Variants in MAP3K5 observed in about 807,000 individuals in gnomAD.
MAP3K5 encodes the protein ASK-1.
In MAP3K5, 56 loss-of-function variants were observed where a neutral mutation model predicts 158.7. The ratio of observed to expected loss-of-function variants is 0.35; its 90% CI spans 0.28 to 0.44. The LOEUF (loss-of-function observed/expected upper bound fraction) is 0.44, where lower values mean the gene tolerates loss of function less well. Among genes scored for constraint, MAP3K5 ranks in the 20% least tolerant of loss-of-function variants. The probability of loss-of-function intolerance (pLI) is 1.00; values close to 1 mark genes in which losing one functional copy is unlikely to be tolerated. For synonymous variants in MAP3K5, 579 were observed against 601.7 expected (o/e 0.96, Z 0.55); for missense variants, 1,294 against 1,674.8 (o/e 0.77, Z 3.97).
intron 29 of MAP3K5, 82 bp downstream of exon 29, chr6:136,558,718 G>T: frequency 1.1e-6 from 1 of 877,176 alleles, no homozygotes; most frequent in Non-Finnish European, 1.9e-6. Context: ...GCTAATTAGA[G>T]ACCCAGCCTG....
At chr6:136,611,492 T>C in intron 17 of MAP3K5, 105 bp from the exon 18 acceptor site, 1 of 607,204 alleles carries the variant, frequency 1.6e-6, no homozygotes, top group Non-Finnish European at 3.1e-6. Flanking sequence ...TCCTTACAGC[T>C]ACCAACGACA....
chr6:136,579,755 T>C, intron 25 of MAP3K5: 1 of 454,106 alleles, frequency 2.2e-6, no homozygotes, highest in South Asian at 1.6e-5. Flanking sequence ...AAAATCTCTG[T>C]ATCTTCCACT....
intron 5 of MAP3K5, among the ~76,000 whole-genome samples, 155 bp downstream of exon 5, chr6:136,697,064 T>A (rs1449819192): frequency 6.6e-6 from 1 of 152,214 alleles, no homozygotes; most frequent in Non-Finnish European, 1.5e-5. Flanking sequence ...TTTTCATTCA[T>A]CATAAAATTA....
intron 19 of MAP3K5, among the ~76,000 whole-genome samples, chr6:136,604,728 T>C (rs9385767): frequency 0.023 from 3,490 of 151,986 alleles, 76 homozygotes; most frequent in East Asian, 0.094. Context: ...AGTAGGTATA[T>C]GAGAATAAGA....
chr6:136,737,056 T>TATATATATATATATATATATATAA, intron 1 of MAP3K5, among the ~76,000 whole-genome samples: 1 of 148,060 alleles, frequency 6.8e-6, no homozygotes, highest in East Asian at 2.0e-4. Context: ...TATATATATA[T>TATATATATATATATATATATATAA]AAACTTAGAT....
At chr6:136,700,725 T>A (rs1338190685) in intron 3 of MAP3K5, among the ~76,000 whole-genome samples, 3 of 152,022 alleles carry the variant, frequency 2.0e-5, no homozygotes, top group Non-Finnish European at 4.4e-5. Flanking sequence ...GATTGAAACA[T>A]AAAATAGTTT....
chr6:136,619,283 G>A (rs1296102723), intron 15 of MAP3K5, among the ~76,000 whole-genome samples: 3 of 152,180 alleles, frequency 2.0e-5, no homozygotes, highest in Non-Finnish European at 2.9e-5. Flanking sequence ...CACCAGTGTG[G>A]CTGGAGTGGA....
intron 1 of MAP3K5, among the ~76,000 whole-genome samples, chr6:136,723,194 G>GTA (rs1490801068): frequency 1.3e-5 from 2 of 151,762 alleles, no homozygotes; most frequent in Non-Finnish European, 2.9e-5. Context: ...GTGTGTATGT[G>GTA]TATATATGTA....
chr6:136,619,429 A>T (rs1776707192), intron 15 of MAP3K5, among the ~76,000 whole-genome samples: 1 of 152,164 alleles, frequency 6.6e-6, no homozygotes, highest in East Asian at 1.9e-4. Flanking sequence ...TTAAAAATAG[A>T]TGTTATTTCT....
chr6:136,712,678 T>C (rs1359061945), intron 2 of MAP3K5, among the ~76,000 whole-genome samples: 2 of 152,236 alleles, frequency 1.3e-5, no homozygotes, highest in Non-Finnish European at 2.9e-5. Flanking sequence ...ATGGTTTGGC[T>C]GTGTCCCCAC....
chr6:136,779,287 T>C (rs1452972902), intron 1 of MAP3K5, among the ~76,000 whole-genome samples: 1 of 151,004 alleles, frequency 6.6e-6, no homozygotes, highest in Non-Finnish European at 1.5e-5. Context: ...AATAAAAACA[T>C]AAAAAATTAG....
At chr6:136,686,161 C>T (rs2114618566) in intron 7 of MAP3K5, among the ~76,000 whole-genome samples, 1 of 152,256 alleles carries the variant, frequency 6.6e-6, no homozygotes, top group South Asian at 2.1e-4. Flanking sequence ...GTAAAAGTGG[C>T]ATTCTTACAT....
chr6:136,777,776 C>A (rs757680576), intron 1 of MAP3K5, among the ~76,000 whole-genome samples: 100 of 149,642 alleles, frequency 6.7e-4, no homozygotes, highest in Non-Finnish European at 1.3e-3. Flanking sequence ...TCTAAAGGAA[C>A]CTGGTTTGTT....
At chr6:136,691,359 C>T (rs1288678424) in intron 7 of MAP3K5, among the ~76,000 whole-genome samples, 2 of 152,056 alleles carry the variant, frequency 1.3e-5, no homozygotes, top group African/African-American at 4.8e-5. Context: ...ACCTGTAATC[C>T]CAGCACTTCA....
chr6:136,603,760 C>G (rs1216648539), intron 19 of MAP3K5, among the ~76,000 whole-genome samples: 9 of 152,154 alleles, frequency 5.9e-5, no homozygotes, highest in Non-Finnish European at 1.3e-4. Context: ...TGGAGAAAAC[C>G]TGAAAGACTG....
At chr6:136,583,210 T>C (rs141943104) in intron 24 of MAP3K5, among the ~76,000 whole-genome samples, 3 of 152,364 alleles carry the variant, frequency 2.0e-5, no homozygotes, top group African/African-American at 7.2e-5. Context: ...ATTTCTCATA[T>C]AGCATTAGAA....
intron 7 of MAP3K5, among the ~76,000 whole-genome samples, chr6:136,685,054 G>A (rs1031369560): frequency 7.9e-5 from 12 of 152,010 alleles, no homozygotes; most frequent in African/African-American, 2.2e-4. Flanking sequence ...GGTGGCTCAC[G>A]CCTGTAATCC....
At chr6:136,714,967 G>A (rs567604109) in intron 2 of MAP3K5, among the ~76,000 whole-genome samples, 8 of 152,276 alleles carry the variant, frequency 5.3e-5, no homozygotes, top group East Asian at 3.9e-4. Flanking sequence ...AGGAGTAAGC[G>A]TGTAGACAGG....
intron 23 of MAP3K5, among the ~76,000 whole-genome samples, chr6:136,587,338 C>T (rs568155147): frequency 1.3e-5 from 2 of 152,180 alleles, no homozygotes; most frequent in African/African-American, 4.8e-5. Flanking sequence ...CTATTATTAG[C>T]CTGCTTGATA....
Sources: allele counts gnomAD v4.1 joint callset (sites outside exome capture counted in the v4.1 genomes callset), GRCh38; gene constraint gnomAD v4.1.1; transcripts MANE v1.5; gene names NCBI Gene and HGNC (gene_info 2026-07-23, HGNC 2026-07-21).